ATG7: variants seen among roughly 807,000 people sequenced by gnomAD.
ATG7 encodes autophagy related 7.
ATG7 carries 70 observed loss-of-function variants against 82.4 expected under a neutral mutation model. The observed-to-expected ratio is 0.85, with a 90% CI of 0.70 to 1.04. ATG7 has a LOEUF of 1.04. Ranked by LOEUF, ATG7 falls within the 50% of genes least tolerant of loss-of-function variation. The pLI, the probability that ATG7 is intolerant of heterozygous loss-of-function variation, is 0.00. For synonymous variants in ATG7, 287 were observed against 313.0 expected (o/e 0.92, Z 0.88); for missense variants, 792 against 864.3 (o/e 0.92, Z 1.05).
intron 1 of ATG7, among the ~76,000 whole-genome samples, chr3:11,277,891 A>AGC (rs1942170487): frequency 1.6e-5 from 1 of 60,794 alleles, no homozygotes; most frequent in Non-Finnish European, 2.9e-5. Context: ...CCCTTTATAG[A>AGC]CCCCCCCCCC....
At position 11,308,969 on chromosome 3, in the gene ATG7, T is replaced by C. The variant is rs774451057; in HGVS notation, c.334-15T>C. The C allele has an allele frequency of 1.2e-6, 2 of 1,610,742 alleles. No homozygotes were observed. The highest frequency in any genetic ancestry group is 2.2e-5 in the South Asian group (2 of 91,008). On this transcript the variant is annotated splice_polypyrimidine_tract_variant and intron_variant, in intron 6 of 20. Coordinates refer to ENST00000693202, the MANE Select transcript of ATG7 (RefSeq NM_001349232.2). ...TGCCTGGTAACCTGCCTTGATGCTTTTCTTCTTCTTGCAGATATGGGAATC... is the reference window on the plus strand; with the variant it reads ...TGCCTGGTAACCTGCCTTGATGCTTCTCTTCTTCTTGCAGATATGGGAATC...
intron 20 of ATG7, among the ~76,000 whole-genome samples, chr3:11,484,954 T>C (rs924741433): frequency 6.6e-6 from 1 of 152,200 alleles, no homozygotes; most frequent in Non-Finnish European, 1.5e-5. Flanking sequence ...TGTTGGACAG[T>C]TGGGTTGGTT....
chr3:11,390,883 T>C (rs1209450504), intron 19 of ATG7, among the ~76,000 whole-genome samples: 1 of 152,216 alleles, frequency 6.6e-6, no homozygotes, highest in Non-Finnish European at 1.5e-5. Flanking sequence ...ATATGACTAG[T>C]GCAGCAGCAG....
chr3:11,289,675 A>T (rs1025423370), intron 3 of ATG7, among the ~76,000 whole-genome samples: 35 of 152,222 alleles, frequency 2.3e-4, no homozygotes, highest in Non-Finnish European at 2.6e-4. Context: ...TTCCTACCTC[A>T]GCTTCCCGAG....
intron 18 of ATG7, among the ~76,000 whole-genome samples, chr3:11,377,534 A>G (rs2077516081): frequency 6.6e-6 from 1 of 152,110 alleles, no homozygotes; most frequent in East Asian, 1.9e-4. Flanking sequence ...TTACCTGCCC[A>G]CCTCCAATGA....
intron 17 of ATG7, 169 bp downstream of exon 17, chr3:11,363,097 C>T: frequency 1.7e-6 from 1 of 593,286 alleles, no homozygotes; most frequent in Non-Finnish European, 3.0e-6. Flanking sequence ...GCTGAGATAA[C>T]TTGGCATGTT....
intron 18 of ATG7, among the ~76,000 whole-genome samples, chr3:11,372,343 T>C (rs992948614): frequency 6.6e-6 from 1 of 151,138 alleles, no homozygotes; most frequent in South Asian, 2.1e-4. Context: ...GGAACACTAA[T>C]GTTGGTGATT....
At chr3:11,500,939 T>G (rs866374128) in intron 20 of ATG7, among the ~76,000 whole-genome samples, 19 of 152,224 alleles carry the variant, frequency 1.2e-4, no homozygotes, top group South Asian at 2.1e-4. Flanking sequence ...ACCTAAGTTT[T>G]TGTATAAATA....
At chr3:11,372,446 T>C (rs2077063802) in intron 18 of ATG7, among the ~76,000 whole-genome samples, 2 of 150,958 alleles carry the variant, frequency 1.3e-5, no homozygotes, top group Admixed American at 1.3e-4. Context: ...ATTATAAGCC[T>C]TTTTTAAAAT....
intron 19 of ATG7, among the ~76,000 whole-genome samples, chr3:11,415,464 G>A (rs1346223105): frequency 6.6e-6 from 1 of 151,862 alleles, no homozygotes; most frequent in African/African-American, 2.4e-5. Context: ...TTACTCTTTT[G>A]TAACAACACC....
At chr3:11,548,434 G>T (rs2071472600) in intron 20 of ATG7, among the ~76,000 whole-genome samples, 2 of 151,832 alleles carry the variant, frequency 1.3e-5, no homozygotes, top group African/African-American at 2.4e-5. Context: ...TTGTATTTTT[G>T]GTTTCCTTTT....
At chr3:11,432,464 A>AG (rs11441036) in intron 20 of ATG7, among the ~76,000 whole-genome samples, 2,854 of 10,360 alleles carry the variant, frequency 0.28, 87 homozygotes, top group African/African-American at 0.38. Flanking sequence ...AGCCTTGCAT[A>AG]AGAATGATAT....
chr3:11,483,685 A>G (rs2089280992), intron 20 of ATG7, among the ~76,000 whole-genome samples: 2 of 152,224 alleles, frequency 1.3e-5, no homozygotes, highest in Non-Finnish European at 2.9e-5. Context: ...AAAAATATCT[A>G]CAAGACACTA....
chr3:11,554,976 C>T lies in ATG7; in HGVS notation c.*133C>T. On this transcript the variant is annotated 3_prime_UTR_variant, in exon 21 of 21. Transcript: ENST00000693202. ...CATACCCCGAGGTCTGGGATTCCCC[C>T]CTCTGCTGCCCAGGAGTGGCCAGTG... 1.2e-5 allele frequency: 14 copies of T among 1,158,748 alleles called. No homozygotes were observed. The highest frequency in any genetic ancestry group is 1.7e-5 in the Non-Finnish European group (14 of 837,364). The allele number at this position is 1,158,748 out of a possible 1,614,324, so 71.8% of individuals were successfully genotyped here. A position where few individuals can be genotyped will look rare whatever the true frequency, so the allele number is the denominator to read the frequency against.
At chr3:11,430,116 T>TAC (rs1221212043) in intron 20 of ATG7, among the ~76,000 whole-genome samples, 1 of 152,130 alleles carries the variant, frequency 6.6e-6, no homozygotes, top group African/African-American at 2.4e-5. Flanking sequence ...TAGGTGACCC[T>TAC]TAATAGGTAT....
chr3:11,372,212 T>A (rs1466021165), intron 18 of ATG7, among the ~76,000 whole-genome samples: 1 of 151,212 alleles, frequency 6.6e-6, no homozygotes, highest in African/African-American at 2.4e-5. Flanking sequence ...CCACAGGTAA[T>A]TGGGATTCTT....
intron 20 of ATG7, among the ~76,000 whole-genome samples, chr3:11,520,194 A>G (rs2092404578): frequency 6.6e-6 from 1 of 152,222 alleles, no homozygotes; most frequent in East Asian, 1.9e-4. Context: ...AAAAGATGGC[A>G]GAGCCAGGAT....
At chr3:11,559,717 T>G (rs1215427668), downstream of ATG7, among the ~76,000 whole-genome samples, 2 of 152,158 alleles carry the variant, frequency 1.3e-5, no homozygotes, top group Non-Finnish European at 2.9e-5. Context: ...AACTGTTGAG[T>G]TGGTCTGTCC....
chr3:11,296,770 C>T (rs569658995), intron 3 of ATG7, among the ~76,000 whole-genome samples: 1 of 152,278 alleles, frequency 6.6e-6, no homozygotes, highest in South Asian at 2.1e-4. Flanking sequence ...TCCTTCTGCC[C>T]TCCACCCATC....
Sources: allele counts gnomAD v4.1 joint callset (sites outside exome capture counted in the v4.1 genomes callset), GRCh38; gene constraint gnomAD v4.1.1; transcripts MANE v1.5; gene names NCBI Gene and HGNC (gene_info 2026-07-23, HGNC 2026-07-21).